Variants in DLG2 observed in about 807,000 individuals in gnomAD.
DLG2 encodes the protein disks large homolog 2.
In DLG2, 45 loss-of-function variants were observed where a neutral mutation model predicts 132.5. The observed-to-expected ratio is 0.34, with a 90% CI of 0.27 to 0.44. DLG2 has a LOEUF of 0.44. Ranked by LOEUF, DLG2 falls within the 20% of genes least tolerant of loss-of-function variation. The pLI is 1.00. For synonymous variants in DLG2, 424 were observed against 419.6 expected, an observed-to-expected ratio of 1.01 and a Z score of -0.13; for missense variants, 1,045 against 1,196.9, an observed-to-expected ratio of 0.87 and a Z score of 1.87.
intron 19 of DLG2, among the ~76,000 whole-genome samples, chr11:83,578,146 A>G (rs2096913636): frequency 6.7e-6 from 1 of 149,494 alleles, no homozygotes; most frequent in African/African-American, 2.5e-5. Context: ...AGAAAACTAT[A>G]CTTTGTAAGG....
intron 3 of DLG2, among the ~76,000 whole-genome samples, chr11:85,415,643 CT>C (rs1398344920): frequency 6.6e-6 from 1 of 152,080 alleles, no homozygotes; most frequent in Non-Finnish European, 1.5e-5. Flanking sequence ...TGTTTGCTGG[CT>C]GCTTAAATGT....
intron 3 of DLG2, among the ~76,000 whole-genome samples, chr11:85,350,922 G>C (rs1374855763): frequency 6.6e-6 from 1 of 152,204 alleles, no homozygotes. Flanking sequence ...GAACTTTAAA[G>C]AAGTTTTTTC....
intron 4 of DLG2, among the ~76,000 whole-genome samples, chr11:85,176,155 A>G (rs1479056881): frequency 6.6e-6 from 1 of 152,316 alleles, no homozygotes; most frequent in East Asian, 1.9e-4. Context: ...TGGATAACCA[A>G]CACAATCCTA....
chr11:85,471,110 T>A (rs2092970618), intron 3 of DLG2, among the ~76,000 whole-genome samples: 1 of 152,194 alleles, frequency 6.6e-6, no homozygotes, highest in Admixed American at 6.5e-5. Flanking sequence ...GCCCGAATCA[T>A]AATATCAGAG....
At chr11:85,375,269 A>G (rs1339112148) in intron 3 of DLG2, among the ~76,000 whole-genome samples, 2 of 152,210 alleles carry the variant, frequency 1.3e-5, no homozygotes, top group African/African-American at 4.8e-5. Flanking sequence ...GCATTAAATA[A>G]CTACTGGGGA....
At chr11:85,298,826 T>C (rs545373305) in intron 3 of DLG2, among the ~76,000 whole-genome samples, 5 of 152,250 alleles carry the variant, frequency 3.3e-5, no homozygotes, top group Admixed American at 3.3e-4. Flanking sequence ...GGAGATACAC[T>C]AATGTATTAG....
intron 3 of DLG2, among the ~76,000 whole-genome samples, chr11:85,514,175 A>T (rs2094131030): frequency 6.6e-6 from 1 of 151,986 alleles, no homozygotes; most frequent in African/African-American, 2.4e-5. Flanking sequence ...GCACTGTGCC[A>T]GATGCATTAT....
chr11:84,360,895 A>C (rs1339947362), intron 7 of DLG2, among the ~76,000 whole-genome samples: 1 of 151,970 alleles, frequency 6.6e-6, no homozygotes, highest in African/African-American at 2.4e-5. Context: ...CAAAAACATA[A>C]ACAGGATGAA....
intron 8 of DLG2, among the ~76,000 whole-genome samples, chr11:84,226,219 A>G (rs962850340): frequency 4.6e-5 from 7 of 152,210 alleles, no homozygotes; most frequent in Non-Finnish European, 7.3e-5. Flanking sequence ...CCTAACATAA[A>G]TATTTTTTGT....
chr11:84,322,758 T>C lies in DLG2; in HGVS notation c.520-71467A>G, dbSNP rs530488310. On this transcript the variant is annotated intron_variant, in intron 7 of 27. Transcript: ENST00000376104. ...GCATGCACCACTACACCCAGCTAAT[T>C]TGTGTATTTGTAGCAGAGACAGGGT... Among the ~76,000 whole-genome samples the C allele has an allele frequency of 1.5e-4, 23 of 152,126 alleles. No individual in the cohort carries two copies. In the East Asian group the frequency reaches 4.5e-3, roughly 29 times the overall value.
chr11:83,472,841 G>C, intron 22 of DLG2, 64 bp from the exon 23 acceptor site: 1 of 1,351,368 alleles, frequency 7.4e-7, no homozygotes, highest in Non-Finnish European at 1.1e-6. Context: ...GACAAGCCCT[G>C]CTCTGAAACA....
intron 7 of DLG2, among the ~76,000 whole-genome samples, chr11:84,431,451 T>C (rs1362118528): frequency 6.6e-6 from 1 of 152,136 alleles, no homozygotes; most frequent in African/African-American, 2.4e-5. Flanking sequence ...AAATATATAG[T>C]GGGAGTCTGG....
At position 84,442,613 on chromosome 11, in the gene DLG2, G is replaced by A. The variant is rs372267611; in HGVS notation, c.519+91957C>T. ...GTTGATGGGTGCAGCAAACCACCAC[G>A]GCACATGTATACCTATCTAACAAAC... On this transcript the variant is annotated intron_variant, in intron 7 of 27. Coordinates refer to ENST00000376104, the MANE Select transcript of DLG2 (RefSeq NM_001142699.3). 9.2e-5 allele frequency among the ~76,000 whole-genome samples: 14 copies of A among 151,634 alleles called. No homozygotes were observed. In the East Asian group the frequency reaches 2.1e-3, roughly 23 times the overall value.
chr11:83,775,875 A>G (rs1286144093), intron 18 of DLG2, among the ~76,000 whole-genome samples: 9 of 152,114 alleles, frequency 5.9e-5, no homozygotes, highest in Non-Finnish European at 7.4e-5. Flanking sequence ...GGCGGATCAC[A>G]AGATCAGGAG....
intron 3 of DLG2, chr11:85,286,221 T>C: frequency 2.9e-6 from 1 of 339,286 alleles, no homozygotes. Flanking sequence ...GAAAACACAA[T>C]ACATGTATAC....
At chr11:84,924,259 CAGCT>C (rs1269794028) in intron 6 of DLG2, among the ~76,000 whole-genome samples, 1 of 152,138 alleles carries the variant, frequency 6.6e-6, no homozygotes, top group African/African-American at 2.4e-5. Flanking sequence ...AGCCGATTCT[CAGCT>C]AGAATTCTAA....
chr11:84,860,956 A>G (rs578043005), intron 6 of DLG2, among the ~76,000 whole-genome samples: 1 of 152,152 alleles, frequency 6.6e-6, no homozygotes, highest in Non-Finnish European at 1.5e-5. Context: ...TTTTTTATCC[A>G]GTAAATATTT....
chr11:85,208,000 T>A (rs1281605433), intron 4 of DLG2, among the ~76,000 whole-genome samples: 1 of 152,220 alleles, frequency 6.6e-6, no homozygotes, highest in East Asian at 1.9e-4. Flanking sequence ...AGAAGTGGCA[T>A]ACTGTGTTTA....
intron 3 of DLG2, among the ~76,000 whole-genome samples, chr11:85,466,784 G>C (rs1482702823): frequency 6.6e-6 from 1 of 152,136 alleles, no homozygotes; most frequent in East Asian, 1.9e-4. Flanking sequence ...GATTGACTTG[G>C]CAATGTGGGT....
Sources: allele counts gnomAD v4.1 joint callset (sites outside exome capture counted in the v4.1 genomes callset), GRCh38; gene constraint gnomAD v4.1.1; transcripts MANE v1.5; gene names NCBI Gene and HGNC (gene_info 2026-07-23, HGNC 2026-07-21).